UNC45B: variants seen among roughly 807,000 people sequenced by gnomAD.
The protein encoded by UNC45B is protein unc-45 homolog B.
UNC45B carries 78 observed loss-of-function variants against 98.7 expected under a neutral mutation model. The ratio of observed to expected loss-of-function variants is 0.79; its 90% CI spans 0.66 to 0.95. The LOEUF is 0.95. Ranked by LOEUF, UNC45B falls within the 40% of genes least tolerant of loss-of-function variation. UNC45B has a pLI of 0.00. For synonymous variants in UNC45B, 462 were observed against 480.4 expected (o/e 0.96, Z 0.50); for missense variants, 1,225 against 1,184.9 (o/e 1.03, Z -0.50).
At chr17:35,158,496 A>C (rs1421684237) in intron 7 of UNC45B, among the ~76,000 whole-genome samples, 1 of 152,218 alleles carries the variant, frequency 6.6e-6, no homozygotes. Flanking sequence ...ACCCAAGAGC[A>C]TTTATAATGA....
At chr17:35,176,133 A>G in intron 15 of UNC45B, 99 bp downstream of exon 15, 1 of 1,206,764 alleles carries the variant, frequency 8.3e-7, no homozygotes, top group Admixed American at 1.8e-5. Flanking sequence ...CTCCTGGAAT[A>G]CGGCCACCAG....
chr17:35,174,489 G>A, intron 14 of UNC45B, 120 bp downstream of exon 14: 1 of 1,399,758 alleles, frequency 7.1e-7, no homozygotes, highest in Middle Eastern at 2.5e-4. Flanking sequence ...AAACTATTGG[G>A]AAAGCCTGGA....
intron 4 of UNC45B, among the ~76,000 whole-genome samples, chr17:35,152,212 C>T (rs2092024685): frequency 6.6e-6 from 1 of 151,994 alleles, no homozygotes; most frequent in Non-Finnish European, 1.5e-5. Flanking sequence ...TGCCACTGCG[C>T]TCCAGCCTGG....
At chr17:35,157,540 A>G (rs1454339971) in intron 7 of UNC45B, among the ~76,000 whole-genome samples, 1 of 152,152 alleles carries the variant, frequency 6.6e-6, no homozygotes, top group Non-Finnish European at 1.5e-5. Context: ...TTCCTAGAAA[A>G]GGAGCACTGG....
chr17:35,170,089 A>G, intron 11 of UNC45B, 25 bp from the exon 12 acceptor site: 4 of 1,603,210 alleles, frequency 2.5e-6, no homozygotes, highest in African/African-American at 1.3e-5. Flanking sequence ...GCCCCTTCCC[A>G]TGTGTGCTCC....
Position 35,150,240 on chromosome 17 carries a change from C to A in UNC45B, c.381+17C>A. Reference sequence around the variant, plus strand: ...CAGGAGAAGGTGAGCTGGGCCTCTTCCCACAACCCTTGGCTGCCCAGCCCC... The same window carrying A: ...CAGGAGAAGGTGAGCTGGGCCTCTTACCACAACCCTTGGCTGCCCAGCCCC... On this transcript the variant is annotated intron_variant, in intron 4 of 19. Coordinates refer to ENST00000394570, the MANE Select transcript of UNC45B (RefSeq NM_001267052.2). The A allele has an allele frequency of 6.3e-7, 1 of 1,598,162 alleles. No individual in the cohort carries two copies. The highest frequency in any genetic ancestry group is 1.7e-5 in the Admixed American group (1 of 58,590).
rs1345188149 is a variant in UNC45B, at chr17:35,187,723, T to G, written c.*1164T>G. ...TACCCTGGGCAGATCAAAGAACATA[T>G]TCTGTATGTCAGGCTTGGCCACAAA... On this transcript the variant is annotated 3_prime_UTR_variant, in exon 20 of 20. Coordinates refer to ENST00000394570, the MANE Select transcript of UNC45B (RefSeq NM_001267052.2). 6.6e-6 allele frequency: 1 copy of G among 152,224 alleles called. No individual in the cohort carries two copies. Among genetic ancestry groups the G allele is most frequent in the African/African-American group, 2.4e-5 (1 of 41,456 alleles). The allele number at this position is 152,224 out of a possible 1,614,324, so 9.4% of individuals were successfully genotyped here. A position where few individuals can be genotyped will look rare whatever the true frequency, so the allele number is the denominator to read the frequency against.
rs2092318201 is a variant in UNC45B, at chr17:35,188,908, G to A, written c.*2349G>A. ...CTTTTCCAGCCTAGACTCTTATATT[G>A]TTGCTTGTAAGAGGGCCCTTCTTTG... On this transcript the variant is annotated 3_prime_UTR_variant, in exon 20 of 20. Coordinates refer to ENST00000394570, the MANE Select transcript of UNC45B (RefSeq NM_001267052.2). 1 of 151,764 alleles carries A rather than the reference G, an allele frequency of 6.6e-6. No homozygotes were observed. Among genetic ancestry groups the A allele is most frequent in the Admixed American group, 6.6e-5 (1 of 15,246 alleles). 9.4% of individuals were successfully genotyped at this position (151,764 alleles called of 1,614,324 possible).
At chr17:35,158,364 G>A (rs1191260297) in intron 7 of UNC45B, among the ~76,000 whole-genome samples, 1 of 152,132 alleles carries the variant, frequency 6.6e-6, no homozygotes, top group Non-Finnish European at 1.5e-5. Flanking sequence ...GGCCAGCTTG[G>A]GTTTCTATAG....
In UNC45B at chr17:35,186,297, A is replaced by G. The variant is rs1225519752; in HGVS notation, c.2530-2A>G. On this transcript the variant is annotated splice_acceptor_variant, in intron 19 of 19. Transcript: ENST00000394570. LOFTEE classifies it high-confidence loss of function. Reference sequence around the variant, plus strand: ...CTTCCTTACCTTTTTCCCTGCCTCCAGACAACCCAGTGGTTGGAGATCCTC... The same window carrying G: ...CTTCCTTACCTTTTTCCCTGCCTCCGGACAACCCAGTGGTTGGAGATCCTC... The G allele has an allele frequency of 1.2e-6, 2 of 1,613,542 alleles. No homozygotes were observed. Among genetic ancestry groups the G allele is most frequent in the Non-Finnish European group, 1.7e-6 (2 of 1,179,886 alleles).
chr17:35,151,969 G>A (rs1343747397), intron 4 of UNC45B, among the ~76,000 whole-genome samples: 1 of 152,200 alleles, frequency 6.6e-6, no homozygotes, highest in East Asian at 1.9e-4. Flanking sequence ...AAATAGGCTG[G>A]GTGCGGTGGC....
chr17:35,164,752 C>T (rs2092126309), intron 9 of UNC45B: 1 of 152,210 alleles, frequency 6.6e-6, no homozygotes. Flanking sequence ...GACAGAGTCT[C>T]ACTCTGTTCC....
At chr17:35,184,575 T>A (rs1427803542) in intron 19 of UNC45B, among the ~76,000 whole-genome samples, 1 of 152,152 alleles carries the variant, frequency 6.6e-6, no homozygotes, top group Admixed American at 6.5e-5. Flanking sequence ...TTGCCCTAAG[T>A]GTTTACATTT....
chr17:35,154,922 A>T (rs1010502309), intron 6 of UNC45B, among the ~76,000 whole-genome samples, 181 bp downstream of exon 6: 2 of 152,276 alleles, frequency 1.3e-5, no homozygotes, highest in African/African-American at 4.8e-5. Context: ...CAAGTTACTG[A>T]AAGTGCCTAA....
rs763306283 is a variant in UNC45B at position 35,155,350 on chromosome 17, G to A, written c.694G>A (p.Val232Met). Residue 232 changes from valine (V) to methionine (M), a missense_variant, in exon 7 of 20, where the codon GTG (valine) becomes ATG (methionine). Coordinates refer to ENST00000394570, the MANE Select transcript of UNC45B (RefSeq NM_001267052.2). Reference protein sequence around the residue: ...RIDRICSLMAVENEEMSLAVC... With the variant: ...RIDRICSLMAMENEEMSLAVC... ...AGACCGAATCTGTAGCCTCATGGCC[G>A]TGGAGAATGAGGAGATGTCTCTGGC... The A allele has an allele frequency of 1.2e-4, 191 of 1,614,086 alleles. 1 individual carries two copies. The South Asian group carries it at 1.3e-3, about 11-fold the overall frequency.
At chr17:35,164,366 C>A in intron 9 of UNC45B, 200 bp downstream of exon 9, 1 of 509,510 alleles carries the variant, frequency 2.0e-6, no homozygotes, top group Non-Finnish European at 3.2e-6. Context: ...GCTGGGGCTG[C>A]AGCCATCTGG....
chr17:35,174,456 G>T (rs1048687749), intron 14 of UNC45B, 87 bp downstream of exon 14: 2 of 1,557,848 alleles, frequency 1.3e-6, no homozygotes, highest in Non-Finnish European at 1.8e-6. Flanking sequence ...AGATAGAAAT[G>T]GTGGGGGCCT....
chr17:35,163,484 A>C (rs74252015), intron 8 of UNC45B, among the ~76,000 whole-genome samples: 12,599 of 152,274 alleles, frequency 0.083, 690 homozygotes, highest in East Asian at 0.18. Flanking sequence ...ATAAATGTAA[A>C]TATGGCATTT....
In UNC45B at chr17:35,153,052, G is replaced by C. The variant is rs976318956; in HGVS notation, c.471+70G>C. 3.5e-5 allele frequency: 48 copies of C among 1,358,272 alleles called. No individual in the cohort carries two copies. In the Admixed American group the frequency reaches 9.1e-4, roughly 26 times the overall value. The allele number at this position is 1,358,272 out of a possible 1,614,324, so 84.1% of individuals were successfully genotyped here. On this transcript the variant is annotated intron_variant, in intron 5 of 19. Coordinates refer to ENST00000394570, the MANE Select transcript of UNC45B (RefSeq NM_001267052.2). ...GTCTGGACAGTGACATCATTCCGAGGGGGAAGGGGGACCGGAGGCCTGTCT... is the reference window on the plus strand; with the variant it reads ...GTCTGGACAGTGACATCATTCCGAGCGGGAAGGGGGACCGGAGGCCTGTCT...
Sources: allele counts gnomAD v4.1 joint callset (sites outside exome capture counted in the v4.1 genomes callset), GRCh38; gene constraint gnomAD v4.1.1; transcripts MANE v1.5; gene names NCBI Gene and HGNC (gene_info 2026-07-23, HGNC 2026-07-21).